Variants in MPRIP observed in about 807,000 individuals in gnomAD.
The protein encoded by MPRIP is myosin phosphatase Rho interacting protein, also known as myosin phosphatase Rho-interacting protein.
A neutral mutation model predicts 234.9 loss-of-function variants in MPRIP; 59 were observed. The ratio of observed to expected loss-of-function variants is 0.25; its 90% CI spans 0.20 to 0.31. The LOEUF (loss-of-function observed/expected upper bound fraction) is 0.31, where lower values mean the gene tolerates loss of function less well. Ranked by LOEUF, MPRIP falls within the 10% of genes least tolerant of loss-of-function variation. The pLI is 1.00. For missense variants in MPRIP, 2,436 were observed against 3,071.0 expected, an observed-to-expected ratio of 0.79 and a Z score of 4.89; for synonymous variants, 1,144 against 1,263.9, an observed-to-expected ratio of 0.91 and a Z score of 2.01.
rs1253183342 is a variant in MPRIP, at chr17:17,185,583, C to T, written c.*689C>T. The T allele has an allele frequency of 2.0e-5, 9 of 456,470 alleles. No homozygotes were observed. In the East Asian group the frequency reaches 6.3e-4, roughly 32 times the overall value. The allele number at this position is 456,470 out of a possible 1,614,324, so 28.3% of individuals were successfully genotyped here. ...AAATCCCCGGCCCCTCTCCTTCCTT[C>T]CTTCCTTCCTTCCTCCGCTCGTTCC... is the stretch of plus-strand genomic sequence containing the variant. On this transcript the variant is annotated 3_prime_UTR_variant, in exon 24 of 24. Coordinates refer to ENST00000651222, the MANE Select transcript of MPRIP (RefSeq NM_001364716.4).
chr17:17,092,815 T>C (rs745632398), intron 3 of MPRIP, among the ~76,000 whole-genome samples: 23 of 152,178 alleles, frequency 1.5e-4, no homozygotes, highest in Non-Finnish European at 2.8e-4. Context: ...ACATCCAACT[T>C]GTGTTCTAGG....
intron 1 of MPRIP, among the ~76,000 whole-genome samples, chr17:17,062,615 C>T (rs967481722): frequency 1.3e-5 from 2 of 152,210 alleles, no homozygotes; most frequent in East Asian, 1.9e-4. Context: ...GACAGAGCAG[C>T]GGAGCCATGA....
intron 3 of MPRIP, among the ~76,000 whole-genome samples, chr17:17,114,093 A>G (rs1442483879): frequency 1.3e-5 from 2 of 151,954 alleles, no homozygotes; most frequent in African/African-American, 2.4e-5. Context: ...AGGTCTCACT[A>G]TCTTGCCCAG....
chr17:17,081,184 T>C (rs761916688), intron 3 of MPRIP, among the ~76,000 whole-genome samples: 8 of 152,250 alleles, frequency 5.3e-5, no homozygotes, highest in African/African-American at 1.7e-4. Flanking sequence ...TACTGACTTA[T>C]ATGATGTTAC....
intron 12 of MPRIP, among the ~76,000 whole-genome samples, chr17:17,153,844 A>G (rs944121090): frequency 1.3e-5 from 2 of 151,978 alleles, no homozygotes; most frequent in Non-Finnish European, 2.9e-5. Flanking sequence ...TGGGCCCATC[A>G]TGCCATGTGC....
chr17:17,147,937 TA>T (rs1312443972), intron 11 of MPRIP, among the ~76,000 whole-genome samples: 2 of 152,218 alleles, frequency 1.3e-5, no homozygotes, highest in Non-Finnish European at 2.9e-5. Flanking sequence ...TAACCTCTTC[TA>T]AACAGTTTGG....
At chr17:17,164,019 G>A in intron 15 of MPRIP, 90 bp from the exon 16 acceptor site, 3 of 883,506 alleles carry the variant, frequency 3.4e-6, no homozygotes, top group Non-Finnish European at 3.2e-6. Flanking sequence ...CCATCAAGGA[G>A]CTTTCTGTGG....
intron 3 of MPRIP, among the ~76,000 whole-genome samples, chr17:17,100,980 G>A (rs186015964): frequency 1.3e-5 from 2 of 152,246 alleles, no homozygotes; most frequent in East Asian, 3.9e-4. Context: ...GTAGAATGGG[G>A]AGAATAAGAA....
At chr17:17,136,181 T>C (rs2090691337) in intron 5 of MPRIP, 38 bp from the exon 6 acceptor site, 1 of 1,612,724 alleles carries the variant, frequency 6.2e-7, no homozygotes, top group East Asian at 2.2e-5. Flanking sequence ...AGCTGTGTGC[T>C]CCTGCACCTT....
intron 1 of MPRIP, among the ~76,000 whole-genome samples, chr17:17,062,008 A>G (rs1054540188): frequency 6.6e-6 from 1 of 151,584 alleles, no homozygotes; most frequent in African/African-American, 2.4e-5. Flanking sequence ...TGGAAGGAGT[A>G]TGTGTATTTT....
At chr17:17,175,930 C>T (rs541455707) in intron 20 of MPRIP, among the ~76,000 whole-genome samples, 16 of 152,346 alleles carry the variant, frequency 1.1e-4, no homozygotes, top group African/African-American at 1.4e-4. Flanking sequence ...TTGTCTCTGT[C>T]GTGGAGCCGC....
chr17:17,061,313 A>C (rs1294557190), intron 1 of MPRIP, among the ~76,000 whole-genome samples: 1 of 152,222 alleles, frequency 6.6e-6, no homozygotes. Context: ...CAAGCTTAGA[A>C]AGAGGGCCAG....
At position 17,138,312 on chromosome 17, in the gene MPRIP, CCATCAG is replaced by C; in HGVS notation, c.1134_1139del (p.Arg380_Ile381del). 1.3e-5 allele frequency: 5 copies of C among 399,458 alleles called. No homozygotes were observed. The highest frequency in any genetic ancestry group is 2.2e-5 in the Non-Finnish European group (5 of 225,024). The allele number at this position is 399,458 out of a possible 1,614,324, so 24.7% of individuals were successfully genotyped here. A position where few individuals can be genotyped will look rare whatever the true frequency, so the allele number is the denominator to read the frequency against. ...GCCACCCTGGCCGACGTCCCTAAGGCCATCAGGATCAGCCACCGAGAAGCCTTCCAG... is the reference window on the plus strand; with the variant it reads ...GCCACCCTGGCCGACGTCCCTAAGGCGATCAGCCACCGAGAAGCCTTCCAG... On this transcript the variant is annotated inframe_deletion, in exon 7 of 24. Coordinates refer to ENST00000651222, the MANE Select transcript of MPRIP (RefSeq NM_001364716.4). The surrounding 1 kb of genome is among the most constrained non-coding windows in gnomAD (Gnocchi z 5.8).
chr17:17,188,646 T>G lies in MPRIP; in HGVS notation c.*3752T>G, dbSNP rs2046524661. On this transcript the variant is annotated 3_prime_UTR_variant, in exon 24 of 24. Coordinates refer to ENST00000651222, the MANE Select transcript of MPRIP (RefSeq NM_001364716.4). ...TTTATGGAATGTATTTACTATCATTTTGTTTTACTATAGAGGTAGATGGGA... is the reference window on the plus strand; with the variant it reads ...TTTATGGAATGTATTTACTATCATTGTGTTTTACTATAGAGGTAGATGGGA... 1 of 152,296 alleles carries G rather than the reference T, an allele frequency of 6.6e-6. No individual in the cohort carries two copies. Among genetic ancestry groups the G allele is most frequent in the South Asian group, 2.1e-4 (1 of 4,834 alleles). 9.4% of individuals were successfully genotyped at this position (152,296 alleles called of 1,614,324 possible). A position where few individuals can be genotyped will look rare whatever the true frequency, so the allele number is the denominator to read the frequency against.
intron 1 of MPRIP, among the ~76,000 whole-genome samples, chr17:17,067,790 C>CTTTTTTTTTT (rs35187618): frequency 1.4e-4 from 11 of 76,760 alleles, no homozygotes; most frequent in Non-Finnish European, 2.0e-4. Context: ...CTTCTTCTTC[C>CTTTTTTTTTT]TTTTTTTTTT....
intron 1 of MPRIP, among the ~76,000 whole-genome samples, chr17:17,067,465 A>G (rs983999695): frequency 6.6e-6 from 1 of 152,242 alleles, no homozygotes; most frequent in Non-Finnish European, 1.5e-5. Flanking sequence ...GGGAGGCTCC[A>G]CATCCTGGGA....
Position 17,184,954 on chromosome 17 carries a change from G to A in MPRIP, c.*60G>A, listed in dbSNP as rs1251627942. 20 of 1,111,570 alleles carry A rather than the reference G, an allele frequency of 1.8e-5. No individual in the cohort carries two copies. Among genetic ancestry groups the A allele is most frequent in the South Asian group, 3.7e-5 (3 of 80,636 alleles). The allele number at this position is 1,111,570 out of a possible 1,614,324, so 68.9% of individuals were successfully genotyped here. The stretch of plus-strand genomic sequence containing the variant: ...CAGCTTGCAGCAGCACACCCCAAGC[G>A]CTGCTTTTCACCTGTACCTTTGTTT... On this transcript the variant is annotated 3_prime_UTR_variant, in exon 24 of 24. Coordinates refer to ENST00000651222, the MANE Select transcript of MPRIP (RefSeq NM_001364716.4).
intron 3 of MPRIP, among the ~76,000 whole-genome samples, chr17:17,109,491 G>T (rs896104974): frequency 6.6e-6 from 1 of 152,252 alleles, no homozygotes; most frequent in South Asian, 2.1e-4. Flanking sequence ...GGCAAGGGAA[G>T]GAGGCTAGAC....
intron 1 of MPRIP, among the ~76,000 whole-genome samples, chr17:17,054,132 C>G (rs2088623305): frequency 6.6e-6 from 1 of 152,076 alleles, no homozygotes; most frequent in Non-Finnish European, 1.5e-5. Flanking sequence ...ATATACATTT[C>G]AGGAAGATGA....
Sources: gnomAD v4.1 joint callset for allele counts (sites outside exome capture counted in the v4.1 genomes callset) on GRCh38, gnomAD v4.1.1 for gene constraint, Gnocchi (gnomAD v3.1) non-coding constraint, MANE v1.5 for transcripts, NCBI Gene and HGNC (gene_info 2026-07-23, HGNC 2026-07-21) for gene names.